RAB39A: variants seen among roughly 807,000 people sequenced by gnomAD.
RAB39A encodes the protein RAB39A, member RAS oncogene family.
In RAB39A, 17 loss-of-function variants were observed where a neutral mutation model predicts 20.9. The ratio of observed to expected loss-of-function variants is 0.81; its 90% CI spans 0.56 to 1.22. The LOEUF (loss-of-function observed/expected upper bound fraction) is 1.22. Ranked by LOEUF, RAB39A falls within the 50% of genes most tolerant of loss-of-function variation. The pLI, the probability that RAB39A is intolerant of heterozygous loss-of-function variation, is 0.00. For synonymous variants in RAB39A, 99 were observed against 103.4 expected, an observed-to-expected ratio of 0.96 and a Z score of 0.26; for missense variants, 234 against 270.5, an observed-to-expected ratio of 0.87 and a Z score of 0.95.
chr11:107,928,929 A>T lies in RAB39A; in HGVS notation c.227+134A>T, dbSNP rs1022842677. 6.8e-6 allele frequency: 4 copies of T among 589,188 alleles called. No individual in the cohort carries two copies. In the African/African-American group the frequency reaches 7.7e-5, roughly 11 times the overall value. The allele number at this position is 589,188 out of a possible 1,614,324, so 36.5% of individuals were successfully genotyped here. A position where few individuals can be genotyped will look rare whatever the true frequency, so the allele number is the denominator to read the frequency against. On this transcript the variant is annotated intron_variant, in intron 1 of 1. Transcript: ENST00000320578. The surrounding 1 kb of genome is among the most constrained non-coding windows in gnomAD (Gnocchi z 4.9). ...TCCCTCTCGAAAGTGCAAACACTCC[A>T]TTCTCGCTTCCCCTTTGCCCCTCCT...
chr11:107,961,918 T>C, intron 1 of RAB39A, 28 bp from the exon 2 acceptor site: 2 of 1,555,538 alleles, frequency 1.3e-6, no homozygotes, highest in Non-Finnish European at 1.8e-6. Flanking sequence ...GTTGTCCTTA[T>C]ACAACCTTTT....
chr11:107,932,982 A>G (rs10466556), intron 1 of RAB39A, among the ~76,000 whole-genome samples: 27,848 of 152,120 alleles, frequency 0.18, 2,648 homozygotes, highest in Middle Eastern at 0.29. Context: ...AAGTGCTGGG[A>G]TTAGTTTAGC....
At chr11:107,938,564 TAAAAAAAAA>T (rs5794580) in intron 1 of RAB39A, among the ~76,000 whole-genome samples, 2 of 95,246 alleles carry the variant, frequency 2.1e-5, no homozygotes, top group African/African-American at 4.2e-5. Context: ...ACCTCGTCTA[TAAAAAAAAA>T]AAAAAAAAAA....
intron 1 of RAB39A, among the ~76,000 whole-genome samples, chr11:107,957,837 C>T (rs2134974199): frequency 6.6e-6 from 1 of 152,234 alleles, no homozygotes; most frequent in East Asian, 1.9e-4. Flanking sequence ...CCCTCCATTC[C>T]CTGACCCCAC....
chr11:107,928,924 A>C lies in RAB39A; in HGVS notation c.227+129A>C. 1.6e-6 allele frequency: 1 copy of C among 617,152 alleles called. No homozygotes were observed. The highest frequency in any genetic ancestry group is 3.5e-5 in the South Asian group (1 of 28,668). 38.2% of individuals were successfully genotyped at this position (617,152 alleles called of 1,614,324 possible). ...GCCCTTCCCTCTCGAAAGTGCAAAC[A>C]CTCCATTCTCGCTTCCCCTTTGCCC... is the stretch of plus-strand genomic sequence containing the variant. On this transcript the variant is annotated intron_variant, in intron 1 of 1. Transcript: ENST00000320578. The surrounding 1 kb of genome is among the most constrained non-coding windows in gnomAD (Gnocchi z 4.9).
chr11:107,947,807 C>CAAAAAAAAAAAAAAAAAAAAAAA lies in RAB39A; in HGVS notation c.228-14138_228-14116dup, dbSNP rs35694249. Among the ~76,000 whole-genome samples, 3 of 80,222 alleles carry CAAAAAAAAAAAAAAAAAAAAAAA rather than the reference C, an allele frequency of 3.7e-5. 1 individual carries two copies. The highest frequency in any genetic ancestry group is 6.5e-5 in the Non-Finnish European group (3 of 46,206). The allele number at this position is 80,222 out of a possible 152,430, so 52.6% of individuals were successfully genotyped here. Reference sequence around the variant, plus strand: ...CTGAGAAAGGAACAGCATCAACAGGCAAAAAAAAAAAAAAAAAAAAAAAGA... The same window carrying CAAAAAAAAAAAAAAAAAAAAAAA: ...CTGAGAAAGGAACAGCATCAACAGGCAAAAAAAAAAAAAAAAAAAAAAAAAAAAAAAAAAAAAAAAAAAAAAGA... On this transcript the variant is annotated intron_variant, in intron 1 of 1. Coordinates refer to ENST00000320578, the MANE Select transcript of RAB39A (RefSeq NM_017516.3).
At chr11:107,945,869 G>C (rs1291850639) in intron 1 of RAB39A, among the ~76,000 whole-genome samples, 1 of 152,174 alleles carries the variant, frequency 6.6e-6, no homozygotes, top group East Asian at 1.9e-4. Flanking sequence ...CTTATTGAAA[G>C]TAAGGGCTTT....
intron 1 of RAB39A, among the ~76,000 whole-genome samples, chr11:107,950,144 C>T (rs1861361758): frequency 6.6e-6 from 1 of 151,058 alleles, no homozygotes; most frequent in Non-Finnish European, 1.5e-5. Flanking sequence ...CGTGCCACTG[C>T]ACTCCACCCT....
chr11:107,935,021 C>T (rs2134950534), intron 1 of RAB39A, among the ~76,000 whole-genome samples: 1 of 151,436 alleles, frequency 6.6e-6, no homozygotes, highest in East Asian at 1.9e-4. Flanking sequence ...ACCACTAAAT[C>T]TTCCCGGCCT....
At chr11:107,933,067 G>A (rs1861153879) in intron 1 of RAB39A, among the ~76,000 whole-genome samples, 1 of 152,070 alleles carries the variant, frequency 6.6e-6, no homozygotes, top group African/African-American at 2.4e-5. Context: ...GGTGTATGGA[G>A]AGCATTAAGT....
chr11:107,949,894 C>T (rs569607559), intron 1 of RAB39A, among the ~76,000 whole-genome samples: 13 of 152,152 alleles, frequency 8.5e-5, no homozygotes, highest in Admixed American at 5.2e-4. Context: ...TGATTTTGGC[C>T]GGGCGCGGTG....
chr11:107,955,690 T>A (rs1861427776), intron 1 of RAB39A, among the ~76,000 whole-genome samples: 1 of 152,000 alleles, frequency 6.6e-6, no homozygotes, highest in South Asian at 2.1e-4. Flanking sequence ...AATACAAAAT[T>A]AGCCACGTGT....
intron 1 of RAB39A, among the ~76,000 whole-genome samples, chr11:107,932,369 C>T (rs1190656899): frequency 6.6e-6 from 1 of 152,100 alleles, no homozygotes; most frequent in Non-Finnish European, 1.5e-5. Context: ...TAGAGTGGTC[C>T]AAGTTGGTGG....
intron 1 of RAB39A, among the ~76,000 whole-genome samples, chr11:107,946,596 C>T (rs1861321048): frequency 1.4e-5 from 2 of 146,702 alleles, no homozygotes; most frequent in South Asian, 4.5e-4. Flanking sequence ...CCTCAATCTC[C>T]CAAGTAGCTG....
At position 107,962,369 on chromosome 11, in the gene RAB39A, C is replaced by G. The variant is rs1289040417; in HGVS notation, c.651C>G (p.Cys217Trp). Reference protein sequence around the residue: ...EAVKPRKECFC With the variant: ...EAVKPRKECFW The stretch of plus-strand genomic sequence containing the variant: ...TAAAGCCCAGGAAAGAATGCTTCTG[C>G]TGACTTCAAACATGCTGAAGAACTA... The change falls in exon 2 of 2, where the codon TGC becomes TGG. Residue 217 changes from cysteine (C) to tryptophan (W), a missense_variant. Transcript: ENST00000320578. 2 of 1,594,524 alleles carry G rather than the reference C, an allele frequency of 1.3e-6. No homozygotes were observed. The highest frequency in any genetic ancestry group is 1.7e-6 in the Non-Finnish European group (2 of 1,166,932).
At chr11:107,957,160 T>A (rs1861445287) in intron 1 of RAB39A, among the ~76,000 whole-genome samples, 4 of 152,142 alleles carry the variant, frequency 2.6e-5, no homozygotes, top group Admixed American at 2.0e-4. Context: ...ATTTGAGAAG[T>A]GACACCAGGC....
chr11:107,954,443 G>A (rs1298054945), intron 1 of RAB39A, among the ~76,000 whole-genome samples: 3 of 152,030 alleles, frequency 2.0e-5, no homozygotes, highest in African/African-American at 7.2e-5. Context: ...TACCAGCCCC[G>A]ATCTTGTTTT....
At chr11:107,960,575 C>G (rs533623325) in intron 1 of RAB39A, among the ~76,000 whole-genome samples, 2 of 152,276 alleles carry the variant, frequency 1.3e-5, no homozygotes, top group Admixed American at 1.3e-4. Context: ...ACAGATGGCA[C>G]AATTGTAGGT....
chr11:107,958,929 G>A (rs1861467226), intron 1 of RAB39A, among the ~76,000 whole-genome samples: 1 of 152,104 alleles, frequency 6.6e-6, no homozygotes, highest in Non-Finnish European at 1.5e-5. Context: ...AGACCAGCCT[G>A]GCCAACATGG....
Sources: gnomAD v4.1 joint callset for allele counts (sites outside exome capture counted in the v4.1 genomes callset) on GRCh38, gnomAD v4.1.1 for gene constraint, Gnocchi (gnomAD v3.1) non-coding constraint, MANE v1.5 for transcripts, NCBI Gene and HGNC (gene_info 2026-07-23, HGNC 2026-07-21) for gene names.